The following ANK3 variants were observed in gnomAD, a reference collection of about 807,000 sequenced individuals.
ANK3 encodes the protein ankyrin-3.
ANK3 carries 57 observed loss-of-function variants against 370.9 expected under a neutral mutation model. The observed-to-expected ratio is 0.15, with a 90% confidence interval of 0.12 to 0.19. The LOEUF (loss-of-function observed/expected upper bound fraction) is 0.19, where lower values mean the gene tolerates loss of function less well. Ranked by LOEUF, ANK3 falls within the 10% of genes least tolerant of loss-of-function variation. The pLI is 1.00. For missense variants in ANK3, 4,439 were observed against 5,302.1 expected (o/e 0.84, Z 5.06); for synonymous variants, 1,929 against 1,946.3 (o/e 0.99, Z 0.23).
chr10:60,697,665 A>T (rs1471612667), intron 1 of ANK3, among the ~76,000 whole-genome samples: 2 of 150,074 alleles, frequency 1.3e-5, no homozygotes, highest in Non-Finnish European at 3.0e-5. Flanking sequence ...AGGATTCCCT[A>T]TTTAATAAAT....
chr10:60,050,081 C>CTGAT (rs2077641755), intron 42 of ANK3, among the ~76,000 whole-genome samples: 1 of 152,142 alleles, frequency 6.6e-6, no homozygotes, highest in African/African-American at 2.4e-5. Flanking sequence ...CTTGAAGACA[C>CTGAT]TGATTATGAG....
intron 4 of ANK3, 112 bp from the exon 5 acceptor site, chr10:60,270,341 A>C (rs2097952570): frequency 2.0e-6 from 1 of 505,956 alleles, no homozygotes. Context: ...AACTTTAATA[A>C]TACTTTCATA....
chr10:60,430,217 A>G (rs1057484677), intron 2 of ANK3, among the ~76,000 whole-genome samples: 1 of 152,240 alleles, frequency 6.6e-6, no homozygotes, highest in African/African-American at 2.4e-5. Flanking sequence ...GTCTGCCTGA[A>G]GGCTGAATGC....
intron 7 of ANK3, among the ~76,000 whole-genome samples, chr10:60,240,032 TATAC>T (rs942013226): frequency 6.9e-6 from 1 of 144,250 alleles, no homozygotes; most frequent in African/African-American, 2.6e-5. Flanking sequence ...TACACATATA[TATAC>T]ACATATATAT....
At chr10:60,281,809 T>G (rs896670569) in intron 1 of ANK3, among the ~76,000 whole-genome samples, 13 of 152,132 alleles carry the variant, frequency 8.5e-5, no homozygotes, top group Non-Finnish European at 1.8e-4. Context: ...GAGTCAGGTG[T>G]CTGAGAGCAC....
intron 2 of ANK3, among the ~76,000 whole-genome samples, chr10:60,396,537 T>G (rs2063244343): frequency 6.6e-6 from 1 of 152,198 alleles, no homozygotes; most frequent in Admixed American, 6.5e-5. Context: ...CTTTATTAAC[T>G]TATAGCTTAA....
intron 4 of ANK3, among the ~76,000 whole-genome samples, chr10:60,273,962 T>G (rs1212974676): frequency 6.6e-6 from 1 of 152,188 alleles, no homozygotes; most frequent in East Asian, 1.9e-4. Flanking sequence ...CTTGGGTATG[T>G]CTTTATTAGC....
Position 60,076,083 on chromosome 10 carries a change from C to G in ANK3, c.4798G>C (p.Ala1600Pro). 1 of 1,614,136 alleles carries G rather than the reference C, an allele frequency of 6.2e-7. No homozygotes were observed. The highest frequency in any genetic ancestry group is 8.5e-7 in the Non-Finnish European group (1 of 1,179,990). The change falls in exon 37 of 44, where the codon GCT (alanine) becomes CCT (proline). Residue 1600 changes from alanine (A) to proline (P), a missense_variant. Physicochemically the swap from Ala to Pro is conservative, Grantham distance 27 (BLOSUM62 -1). Coordinates refer to ENST00000280772, the MANE Select transcript of ANK3 (RefSeq NM_020987.5). ...GCTTCCGTGACTGCTGGAGCTCTAG[C>G]CAGGGTACCAGAGGAAACTTGGATA... is the stretch of plus-strand genomic sequence containing the variant. ...YNIQVSSGTL[A>P]RAPAVTEATP...
chr10:60,560,319 A>C (rs2077305344), intron 2 of ANK3, among the ~76,000 whole-genome samples: 1 of 152,184 alleles, frequency 6.6e-6, no homozygotes. Context: ...TCCCTAAAAT[A>C]GCAAAATTCT....
intron 2 of ANK3, among the ~76,000 whole-genome samples, chr10:60,553,170 A>T (rs921283001): frequency 2.6e-5 from 4 of 152,210 alleles, no homozygotes; most frequent in Non-Finnish European, 5.9e-5. Context: ...AACTTCCCTA[A>T]TACGGGGAGG....
At chr10:60,363,981 T>TTG (rs1555340449) in intron 1 of ANK3, among the ~76,000 whole-genome samples, 23 of 148,618 alleles carry the variant, frequency 1.5e-4, no homozygotes, top group Non-Finnish European at 2.4e-4. Flanking sequence ...TTTTTTTTTT[T>TTG]TTTTTTTTTT....
intron 26 of ANK3, among the ~76,000 whole-genome samples, 180 bp downstream of exon 26, chr10:60,114,045 C>A (rs530497095): frequency 6.6e-6 from 1 of 152,000 alleles, no homozygotes; most frequent in East Asian, 1.9e-4. Flanking sequence ...AAAACTCATA[C>A]AGAATTACTT....
chr10:60,225,261 C>T (rs1464621725), intron 8 of ANK3, among the ~76,000 whole-genome samples: 1 of 152,038 alleles, frequency 6.6e-6, no homozygotes, highest in East Asian at 1.9e-4. Flanking sequence ...TGGACTGTGT[C>T]CTCATTTTTT....
chr10:60,070,645 G>T lies in ANK3; in HGVS notation c.10236C>A (p.Ile3412=), dbSNP rs762232864. The T allele has an allele frequency of 6.2e-7, 1 of 1,614,048 alleles. No individual in the cohort carries two copies. Residue 3412 remains isoleucine, a synonymous_variant, in exon 37 of 44, where the codon ATC becomes ATA. Transcript: ENST00000280772. This position sits in a 1 kb window ranked among gnomAD's most constrained non-coding sequence, Gnocchi z 5.7. ...EFSHDTDATE[I]DSLDGYDLQD... is the part of the protein sequence containing the mutation. ...GCAGGTCATAGCCATCCAGAGAGTC[G>T]ATCTCTGTGGCATCCGTGTCATGAG...
At chr10:60,622,772 G>A (rs766679694) in intron 1 of ANK3, among the ~76,000 whole-genome samples, 35 of 152,256 alleles carry the variant, frequency 2.3e-4, no homozygotes, top group Non-Finnish European at 4.6e-4. Context: ...AGAGGAGAGA[G>A]CATAGATCTG....
In ANK3 at chr10:60,186,717, T is replaced by C; in HGVS notation, c.2083A>G (p.Lys695Glu). 2 of 1,613,928 alleles carry C rather than the reference T, an allele frequency of 1.2e-6. No individual in the cohort carries two copies. The highest frequency in any genetic ancestry group is 1.7e-6 in the Non-Finnish European group (2 of 1,179,864). The change falls in exon 17 of 44, where the codon AAG becomes GAG. Residue 695 changes from lysine to glutamate, a missense_variant and splice_region_variant. Coordinates refer to ENST00000280772, the MANE Select transcript of ANK3 (RefSeq NM_020987.5). Reference protein sequence around the residue: ...GRNANVNLSNKSGLTPLHLAA... With the variant: ...GRNANVNLSNESGLTPLHLAA... ...TTGTCAAGAAAGAAGTGGGTTACCT[T>C]ATTGCTCAGGTTCACATTCGCATTT...
intron 2 of ANK3, among the ~76,000 whole-genome samples, chr10:60,546,221 A>G (rs975776100): frequency 6.6e-6 from 1 of 152,086 alleles, no homozygotes; most frequent in African/African-American, 2.4e-5. Context: ...TTTTTTGTAG[A>G]GACAGGGTCT....
chr10:60,253,035 G>T (rs917178668), intron 7 of ANK3, among the ~76,000 whole-genome samples: 4 of 152,180 alleles, frequency 2.6e-5, no homozygotes, highest in African/African-American at 7.2e-5. Context: ...CCCATTATAT[G>T]GATGATTAGG....
chr10:60,467,305 CA>C (rs2065033357), intron 2 of ANK3, among the ~76,000 whole-genome samples: 1 of 152,124 alleles, frequency 6.6e-6, no homozygotes, highest in African/African-American at 2.4e-5. Flanking sequence ...TAGGCTTCAA[CA>C]CAGCAATTCA....
Sources: allele counts gnomAD v4.1 joint callset (sites outside exome capture counted in the v4.1 genomes callset), GRCh38; gene constraint gnomAD v4.1.1; non-coding constraint Gnocchi (gnomAD v3.1); transcripts MANE v1.5; gene names NCBI Gene and HGNC (gene_info 2026-07-23, HGNC 2026-07-21).